ABR: variants seen among roughly 807,000 people sequenced by gnomAD.
The protein encoded by ABR is ABR activator of RhoGEF and GTPase.
In ABR, 35 loss-of-function variants were observed where a neutral mutation model predicts 107.2. The observed-to-expected ratio is 0.33, with a 90% CI of 0.25 to 0.43. ABR has a LOEUF of 0.43. Among genes scored for constraint, ABR ranks in the 20% least tolerant of loss-of-function variants. The pLI is 1.00. For synonymous variants in ABR, 498 were observed against 462.0 expected (o/e 1.08, Z -1.00); for missense variants, 815 against 1,115.2 (o/e 0.73, Z 3.83).
chr17:1,063,560 GT>G (rs368382621), intron 10 of ABR, among the ~76,000 whole-genome samples: 192 of 129,414 alleles, frequency 1.5e-3, no homozygotes, highest in East Asian at 5.0e-3. Flanking sequence ...TCTAGACACT[GT>G]TATGTGAACT....
chr17:1,112,232 C>T (rs538986654), intron 2 of ABR, among the ~76,000 whole-genome samples: 213 of 152,336 alleles, frequency 1.4e-3, no homozygotes, highest in African/African-American at 4.7e-3. Flanking sequence ...GGGCCCTTGC[C>T]GTTCTCAGGC....
intron 6 of ABR, 135 bp from the exon 7 acceptor site, chr17:1,073,812 C>G (rs1280227370): frequency 1.4e-6 from 1 of 701,156 alleles, no homozygotes; most frequent in African/African-American, 1.8e-5. Context: ...AGTGAGCCCA[C>G]GGCAGCCCCC....
intron 1 of ABR, among the ~76,000 whole-genome samples, chr17:1,198,901 G>A (rs1196121473): frequency 1.3e-5 from 2 of 149,206 alleles, no homozygotes; most frequent in African/African-American, 5.0e-5. Context: ...CCAAAGTGCT[G>A]GGATTACAGG....
In ABR at chr17:1,157,067, C is replaced by T. The variant is rs2041072774; in HGVS notation, c.61+22600G>A. 6.6e-6 allele frequency among the ~76,000 whole-genome samples: 1 copy of T among 152,116 alleles called. No individual in the cohort carries two copies. The highest frequency in any genetic ancestry group is 2.1e-4 in the South Asian group (1 of 4,828). ...GTTAACTCACCGCAGCCTCACACCG[C>T]GCCAGGAGGCAGGCACTAATATTAT... On this transcript the variant is annotated intron_variant, in intron 1 of 22. Transcript: ENST00000302538. The surrounding 1 kb of genome is among the most constrained non-coding windows in gnomAD (Gnocchi z 4.7).
intron 1 of ABR, among the ~76,000 whole-genome samples, chr17:1,205,098 C>T (rs1376472680): frequency 6.6e-6 from 1 of 151,948 alleles, no homozygotes; most frequent in Non-Finnish European, 1.5e-5. Context: ...CATGAGGTTT[C>T]ACCATGTAAG....
intron 1 of ABR, among the ~76,000 whole-genome samples, chr17:1,164,310 T>C (rs2041417388): frequency 6.8e-6 from 1 of 147,516 alleles, no homozygotes; most frequent in African/African-American, 2.5e-5. Context: ...GGACCCCAGA[T>C]AAACTGCAAG....
In ABR at chr17:1,059,179, G is replaced by T. The variant is rs73287591; in HGVS notation, c.1183-312C>A. 5.3e-3 allele frequency among the ~76,000 whole-genome samples: 805 copies of T among 152,128 alleles called. 6 individuals carry two copies. The highest frequency in any genetic ancestry group is 0.018 in the African/African-American group (764 of 41,490). ...CACTCGCCAAGCCAGCATCTCCTCT[G>T]CCCCACGTCACCCAGGGCCAGGGAC... On this transcript the variant is annotated intron_variant, in intron 10 of 22. Coordinates refer to ENST00000302538, the MANE Select transcript of ABR (RefSeq NM_021962.5).
At chr17:1,031,747 G>T (rs979734786) in intron 16 of ABR, 38 of 1,237,382 alleles carry the variant, frequency 3.1e-5, no homozygotes, top group Non-Finnish European at 3.8e-5. Context: ...GTCATGCCGG[G>T]GGGGACGGGA....
intron 1 of ABR, among the ~76,000 whole-genome samples, chr17:1,163,068 T>C (rs2041366790): frequency 1.3e-5 from 2 of 152,062 alleles, no homozygotes; most frequent in African/African-American, 4.8e-5. Context: ...CGAGACTCAA[T>C]CTCAAAAAAA....
At position 1,050,899 on chromosome 17, in the gene ABR, GGCCCTCCCCACACTCT is replaced by G. The variant is rs2032421171; in HGVS notation, c.1562-281_1562-266del. Among the ~76,000 whole-genome samples the G allele has an allele frequency of 1.4e-5, 2 of 142,174 alleles. 1 individual carries two copies. The highest frequency in any genetic ancestry group is 5.7e-5 in the African/African-American group (2 of 35,398). The allele number at this position is 142,174 out of a possible 152,430, so 93.3% of individuals were successfully genotyped here. A position where few individuals can be genotyped will look rare whatever the true frequency, so the allele number is the denominator to read the frequency against. ...CCCCACACTCTGCCCTTCCCACCTC[GGCCCTCCCCACACTCT>G]GCCCTTCCCACCTCGGCCCTCCCCA... On this transcript the variant is annotated intron_variant, in intron 14 of 22. Transcript: ENST00000302538. This position sits in a 1 kb window ranked among gnomAD's most constrained non-coding sequence, Gnocchi z 4.6.
intron 1 of ABR, among the ~76,000 whole-genome samples, chr17:1,173,198 G>A (rs866209416): frequency 1.7e-4 from 4 of 23,222 alleles, no homozygotes; most frequent in Admixed American, 7.1e-4. Context: ...CTCAGTCAAC[G>A]CAACACATCA....
At chr17:1,183,438 T>C (rs1037394505), upstream of ABR, among the ~76,000 whole-genome samples, 1 of 152,132 alleles carries the variant, frequency 6.6e-6, no homozygotes, top group African/African-American at 2.4e-5. Flanking sequence ...AGCACTGGGT[T>C]AATGACGAGG....
At chr17:1,152,078 A>G (rs2040819631) in intron 1 of ABR, among the ~76,000 whole-genome samples, 1 of 149,688 alleles carries the variant, frequency 6.7e-6, no homozygotes, top group Non-Finnish European at 1.5e-5. Flanking sequence ...TCACGAGGTC[A>G]GGAAATCGAG....
chr17:1,199,012 C>A (rs2042622745), intron 1 of ABR, among the ~76,000 whole-genome samples: 3 of 147,180 alleles, frequency 2.0e-5, no homozygotes, highest in Non-Finnish European at 3.0e-5. Context: ...CGAGACGGTG[C>A]CATTGCACTC....
chr17:1,077,819 C>T (rs1208008638), intron 6 of ABR, among the ~76,000 whole-genome samples: 7 of 152,302 alleles, frequency 4.6e-5, no homozygotes, highest in Admixed American at 3.3e-4. Context: ...GTCCTAAAAC[C>T]AGCCGCCTGC....
intron 16 of ABR, among the ~76,000 whole-genome samples, chr17:1,019,289 C>T (rs1313972938): frequency 6.6e-6 from 1 of 152,188 alleles, no homozygotes; most frequent in African/African-American, 2.4e-5. Context: ...AACTTTGGGT[C>T]CTCTCTGCCT....
chr17:1,107,488 C>A (rs1021326218), intron 2 of ABR, among the ~76,000 whole-genome samples: 1 of 152,210 alleles, frequency 6.6e-6, no homozygotes, highest in Admixed American at 6.5e-5. Flanking sequence ...GAATGAAATA[C>A]GGGCTTAGCT....
In ABR at chr17:1,217,186, G is replaced by C. The variant is rs931490584; in HGVS notation, c.838+11607C>G. ...GCGAGGCAGCTGCCTACAAAACGAG[G>C]CTTTCTCCGTAATAGGACCCCAACC... is the stretch of plus-strand genomic sequence containing the variant. On this transcript the variant is annotated intron_variant, in intron 1 of 22. Coordinates refer to the ABR transcript ENST00000574139. Among the ~76,000 whole-genome samples, 4 of 152,290 alleles carry C rather than the reference G, an allele frequency of 2.6e-5. No individual in the cohort carries two copies. In the East Asian group the frequency reaches 7.7e-4, roughly 29 times the overall value.
chr17:1,097,356 C>T (rs562706435), intron 3 of ABR, among the ~76,000 whole-genome samples: 5 of 152,086 alleles, frequency 3.3e-5, no homozygotes, highest in African/African-American at 9.6e-5. Context: ...TTTGGGAGGC[C>T]GAGGCGGGCG....
Sources: gnomAD v4.1 joint callset for allele counts (sites outside exome capture counted in the v4.1 genomes callset) on GRCh38, gnomAD v4.1.1 for gene constraint, Gnocchi (gnomAD v3.1) non-coding constraint, MANE v1.5 for transcripts, NCBI Gene and HGNC (gene_info 2026-07-23, HGNC 2026-07-21) for gene names.